FXR1: variants seen among roughly 807,000 people sequenced by gnomAD.
FXR1 encodes RNA-binding protein FXR1.
A neutral mutation model predicts 84.0 loss-of-function variants in FXR1; 15 were observed. That is an observed-to-expected ratio of 0.18 (90% CI 0.12 to 0.27). FXR1 has a LOEUF of 0.27. Ranked by LOEUF, FXR1 falls within the 10% of genes least tolerant of loss-of-function variation. The pLI is 1.00. For missense variants in FXR1, 480 were observed against 774.4 expected (o/e 0.62, Z 4.51); for synonymous variants, 245 against 250.7 (o/e 0.98, Z 0.21).
chr3:180,918,354 T>A (rs962562059), intron 1 of FXR1, among the ~76,000 whole-genome samples: 4 of 150,480 alleles, frequency 2.7e-5, no homozygotes, highest in African/African-American at 9.7e-5. Context: ...ATCAGGCTGG[T>A]CTCAAACTCC....
intron 1 of FXR1, among the ~76,000 whole-genome samples, chr3:180,931,300 C>T (rs1298596374): frequency 6.6e-6 from 1 of 151,840 alleles, no homozygotes; most frequent in Non-Finnish European, 1.5e-5. Flanking sequence ...CTCACTGCAA[C>T]CTCTGCCTCT....
intron 1 of FXR1, among the ~76,000 whole-genome samples, chr3:180,920,920 G>C (rs145593095): frequency 1.3e-5 from 2 of 152,288 alleles, no homozygotes; most frequent in African/African-American, 4.8e-5. Flanking sequence ...AACATTACTG[G>C]TATGTAAACA....
At chr3:180,921,190 T>G (rs1673518859) in intron 1 of FXR1, among the ~76,000 whole-genome samples, 1 of 151,842 alleles carries the variant, frequency 6.6e-6, no homozygotes, top group African/African-American at 2.4e-5. Context: ...GCCAACATGG[T>G]GAAACCATCT....
chr3:180,918,749 T>C (rs1274844718), intron 1 of FXR1, among the ~76,000 whole-genome samples: 1 of 152,252 alleles, frequency 6.6e-6, no homozygotes, highest in Non-Finnish European at 1.5e-5. Context: ...CTAGTTTCTG[T>C]TGATGGCAGT....
chr3:180,975,585 T>C (rs1279267023), intron 16 of FXR1, among the ~76,000 whole-genome samples, 181 bp downstream of exon 16: 1 of 152,192 alleles, frequency 6.6e-6, no homozygotes, highest in African/African-American at 2.4e-5. Flanking sequence ...TGCTTGAGCC[T>C]GAAATACTTT....
At chr3:180,923,485 A>G (rs1296332831) in intron 1 of FXR1, among the ~76,000 whole-genome samples, 2 of 151,956 alleles carry the variant, frequency 1.3e-5, no homozygotes, top group African/African-American at 4.8e-5. Flanking sequence ...AAACCACTGT[A>G]TTGTAGTGCC....
intron 9 of FXR1, 54 bp from the exon 10 acceptor site, chr3:180,957,765 G>T: frequency 1.3e-6 from 1 of 791,070 alleles, no homozygotes; most frequent in South Asian, 1.6e-5. Flanking sequence ...GACACTGAAA[G>T]AATAGCAGAA....
rs1721900703 is a variant in FXR1, at chr3:180,948,338, G to A, written c.271-9G>A. 6.4e-7 allele frequency: 1 copy of A among 1,561,112 alleles called. No homozygotes were observed. The highest frequency in any genetic ancestry group is 8.7e-7 in the Non-Finnish European group (1 of 1,143,956). On this transcript the variant is annotated splice_polypyrimidine_tract_variant and intron_variant, in intron 4 of 16. Coordinates refer to ENST00000357559, the MANE Select transcript of FXR1 (RefSeq NM_005087.4). Reference sequence around the variant, plus strand: ...GATGGGATTTTTAAAGTATTTTGATGTCTTTTAGTTTTATGTCATTGAATA... The same window carrying A: ...GATGGGATTTTTAAAGTATTTTGATATCTTTTAGTTTTATGTCATTGAATA...
chr3:180,966,467 T>A (rs1051468072), intron 13 of FXR1, among the ~76,000 whole-genome samples: 9 of 152,228 alleles, frequency 5.9e-5, no homozygotes, highest in Non-Finnish European at 1.3e-4. Flanking sequence ...GAAGAGCTCT[T>A]GTTTGCATTT....
intron 15 of FXR1, 97 bp from the exon 16 acceptor site, chr3:180,975,216 A>G: frequency 2.1e-6 from 1 of 467,642 alleles, no homozygotes; most frequent in Non-Finnish European, 3.8e-6. Flanking sequence ...ACACTGGGTG[A>G]CCCACCACTA....
In FXR1 at chr3:180,933,330, G is replaced by A. The variant is rs745800241; in HGVS notation, c.52-4G>A. The A allele has an allele frequency of 1.3e-6, 2 of 1,532,086 alleles. No individual in the cohort carries two copies. Among genetic ancestry groups the A allele is most frequent in the Non-Finnish European group, 1.8e-6 (2 of 1,106,038 alleles). The allele number at this position is 1,532,086 out of a possible 1,614,324, so 94.9% of individuals were successfully genotyped here. A position where few individuals can be genotyped will look rare whatever the true frequency, so the allele number is the denominator to read the frequency against. ...TGCTTTTATAATGTTTTTGTGTCTT[G>A]CAGGGATTTATCAAAGATGTTCATG... On this transcript the variant is annotated splice_region_variant and splice_polypyrimidine_tract_variant and intron_variant, in intron 1 of 16. Coordinates refer to ENST00000357559, the MANE Select transcript of FXR1 (RefSeq NM_005087.4).
intron 10 of FXR1, 100 bp from the exon 11 acceptor site, chr3:180,961,359 AAAAAAAAAG>A (rs1467751144): frequency 1.1e-4 from 48 of 424,494 alleles, no homozygotes; most frequent in African/African-American, 5.3e-4. Flanking sequence ...AAAAAAAAAA[AAAAAAAAAG>A]GTGTGTGTGT....
chr3:180,969,129 T>C (rs961470358), intron 14 of FXR1, among the ~76,000 whole-genome samples: 2 of 146,202 alleles, frequency 1.4e-5, no homozygotes, highest in African/African-American at 4.9e-5. Context: ...TAGGAACTTG[T>C]TCTTTGTTTG....
At chr3:180,944,002 C>T (rs927790872) in intron 3 of FXR1, among the ~76,000 whole-genome samples, 22 of 152,168 alleles carry the variant, frequency 1.4e-4, no homozygotes, top group African/African-American at 2.6e-4. Context: ...CCGCAGCCTC[C>T]GCCTCCCAGG....
chr3:180,942,307 G>A (rs967253396), intron 3 of FXR1, among the ~76,000 whole-genome samples: 2 of 149,886 alleles, frequency 1.3e-5, no homozygotes, highest in African/African-American at 4.9e-5. Flanking sequence ...GAACCCCGGA[G>A]GTGGAGCTCG....
intron 1 of FXR1, among the ~76,000 whole-genome samples, chr3:180,929,281 T>C (rs1374803692): frequency 6.6e-6 from 1 of 151,166 alleles, no homozygotes; most frequent in Non-Finnish European, 1.5e-5. Flanking sequence ...TTTTAAGATA[T>C]TTTTTTTTCC....
At chr3:180,950,136 C>T (rs1414474947) in intron 7 of FXR1, among the ~76,000 whole-genome samples, 9 of 152,154 alleles carry the variant, frequency 5.9e-5, no homozygotes, top group Admixed American at 5.9e-4. Context: ...TTCCCTGCTA[C>T]ACTAGTAGGA....
At chr3:180,948,555 C>A in intron 5 of FXR1, 60 bp downstream of exon 5, 1 of 1,294,342 alleles carries the variant, frequency 7.7e-7, no homozygotes, top group Non-Finnish European at 1.1e-6. Context: ...TTCAGTCCTA[C>A]AAAACATTTT....
At chr3:180,913,677 T>C (rs1220364896) in intron 1 of FXR1, among the ~76,000 whole-genome samples, 2 of 152,178 alleles carry the variant, frequency 1.3e-5, no homozygotes, top group African/African-American at 4.8e-5. Context: ...CCTAATAGTT[T>C]ATTTTTTGCC....
Sources: allele counts gnomAD v4.1 joint callset (sites outside exome capture counted in the v4.1 genomes callset), GRCh38; gene constraint gnomAD v4.1.1; transcripts MANE v1.5; gene names NCBI Gene and HGNC (gene_info 2026-07-23, HGNC 2026-07-21).